PRKN: variants seen among roughly 807,000 people sequenced by gnomAD.
PRKN encodes the protein parkin RBR E3 ubiquitin protein ligase, also known as E3 ubiquitin-protein ligase parkin.
PRKN carries 56 observed loss-of-function variants against 59.5 expected under a neutral mutation model. The observed-to-expected ratio is 0.94, with a 90% CI of 0.76 to 1.18. The LOEUF (loss-of-function observed/expected upper bound fraction) is 1.18. Ranked by LOEUF, PRKN falls within the 50% of genes most tolerant of loss-of-function variation. The pLI is 0.00. For synonymous variants in PRKN, 250 were observed against 222.1 expected (o/e 1.13, Z -1.12); for missense variants, 657 against 596.4 (o/e 1.10, Z -1.06).
chr6:161,574,768 T>G (rs549626016), intron 7 of PRKN, among the ~76,000 whole-genome samples: 1 of 152,358 alleles, frequency 6.6e-6, no homozygotes, highest in East Asian at 1.9e-4. Context: ...GTCATCATTT[T>G]TCTTAAGCAC....
At chr6:162,652,484 T>C (rs1290903343) in intron 1 of PRKN, among the ~76,000 whole-genome samples, 1 of 152,226 alleles carries the variant, frequency 6.6e-6, no homozygotes, top group Non-Finnish European at 1.5e-5. Flanking sequence ...TAGTTCCTTA[T>C]ATTTTAAGAC....
intron 4 of PRKN, among the ~76,000 whole-genome samples, chr6:162,116,559 G>A (rs905562291): frequency 6.6e-6 from 1 of 152,206 alleles, no homozygotes; most frequent in South Asian, 2.1e-4. Context: ...TAAGGGACGA[G>A]AGCACGTGTG....
chr6:162,050,753 G>T (rs748968057), intron 5 of PRKN, among the ~76,000 whole-genome samples: 1 of 152,118 alleles, frequency 6.6e-6, no homozygotes, highest in Non-Finnish European at 1.5e-5. Context: ...GCCCAGAGGA[G>T]CGTGGTCCAT....
intron 5 of PRKN, among the ~76,000 whole-genome samples, chr6:162,014,950 T>C (rs1342993536): frequency 3.3e-5 from 5 of 152,204 alleles, no homozygotes; most frequent in Admixed American, 1.3e-4. Context: ...AGGTTGTTTC[T>C]GGTATTTTTC....
intron 7 of PRKN, among the ~76,000 whole-genome samples, chr6:161,577,961 C>T (rs1583251943): frequency 2.0e-5 from 3 of 152,146 alleles, no homozygotes; most frequent in African/African-American, 4.8e-5. Flanking sequence ...GATTCTTCAT[C>T]GAACAACTCT....
intron 1 of PRKN, among the ~76,000 whole-genome samples, chr6:162,602,173 G>T (rs1021569993): frequency 3.3e-5 from 5 of 152,198 alleles, no homozygotes; most frequent in African/African-American, 1.2e-4. Context: ...AGTCAGAAAA[G>T]AATCCAGGGA....
chr6:161,994,605 A>G (rs1277686581), intron 5 of PRKN, among the ~76,000 whole-genome samples: 2 of 152,138 alleles, frequency 1.3e-5, no homozygotes, highest in East Asian at 3.9e-4. Flanking sequence ...AGAACTAATA[A>G]ATACAGTAAA....
intron 6 of PRKN, among the ~76,000 whole-genome samples, chr6:161,892,722 G>A (rs1777454092): frequency 6.6e-6 from 1 of 152,128 alleles, no homozygotes; most frequent in African/African-American, 2.4e-5. Context: ...CTTGGTGACA[G>A]AGCAATATCC....
intron 1 of PRKN, among the ~76,000 whole-genome samples, chr6:162,638,205 C>CA (rs879289836): frequency 2.0e-5 from 3 of 151,678 alleles, no homozygotes; most frequent in African/African-American, 7.3e-5. Context: ...TAATATTATC[C>CA]CTATGTTTAT....
rs1297393654 is a variant in PRKN, at chr6:161,350,056, A to G, written c.*43T>C. 1.7e-6 allele frequency: 2 copies of G among 1,191,048 alleles called. No individual in the cohort carries two copies. Among genetic ancestry groups the G allele is most frequent in the Admixed American group, 1.7e-5 (1 of 58,442 alleles). The allele number at this position is 1,191,048 out of a possible 1,614,324, so 73.8% of individuals were successfully genotyped here. A position where few individuals can be genotyped will look rare whatever the true frequency, so the allele number is the denominator to read the frequency against. On this transcript the variant is annotated 3_prime_UTR_variant, in exon 12 of 12. Transcript: ENST00000366898. ...TAGAAAATGAAGGTAGACACTGGGTATGCTCCCCCAGGATGTGGCGATGGG... is the reference window on the plus strand; with the variant it reads ...TAGAAAATGAAGGTAGACACTGGGTGTGCTCCCCCAGGATGTGGCGATGGG...
chr6:161,473,168 A>G lies in PRKN; in HGVS notation c.1083+75686T>C, dbSNP rs577512095. Among the ~76,000 whole-genome samples, 44 of 152,168 alleles carry G rather than the reference A, an allele frequency of 2.9e-4. No homozygotes were observed. The highest frequency in any genetic ancestry group is 8.4e-4 in the African/African-American group (35 of 41,574). ...TGCTGAGTATATACTCAAAAGAAGTAAAATTAGCACCTCACAGAGCTGCCT... is the reference window on the plus strand; with the variant it reads ...TGCTGAGTATATACTCAAAAGAAGTGAAATTAGCACCTCACAGAGCTGCCT... On this transcript the variant is annotated intron_variant, in intron 9 of 11. Transcript: ENST00000366898. The surrounding 1 kb of genome is among the most constrained non-coding windows in gnomAD (Gnocchi z 4.1).
chr6:162,513,816 G>A (rs1045919343), intron 1 of PRKN, among the ~76,000 whole-genome samples: 4 of 152,102 alleles, frequency 2.6e-5, no homozygotes, highest in African/African-American at 9.7e-5. Context: ...CACTTTGGGA[G>A]GCTGAGGCAG....
intron 7 of PRKN, among the ~76,000 whole-genome samples, chr6:161,674,815 T>C (rs1337653683): frequency 6.6e-6 from 1 of 152,232 alleles, no homozygotes; most frequent in Admixed American, 6.5e-5. Flanking sequence ...CTTTGGTTGA[T>C]GTACAAGTAG....
At chr6:162,453,669 G>C (rs1057074391) in intron 1 of PRKN, among the ~76,000 whole-genome samples, 2 of 152,182 alleles carry the variant, frequency 1.3e-5, no homozygotes, top group African/African-American at 4.8e-5. Flanking sequence ...TTGGGAGGCT[G>C]AAGTGGGCAG....
rs1583306688 is a variant in PRKN at position 161,891,837 on chromosome 6, A to G, written c.734+81465T>C. ...ATAGAGGAGCTGCTGTCTCAAGAAA[A>G]GCAAATATGTAGGTTAAGAGCCCTG... On this transcript the variant is annotated intron_variant, in intron 6 of 11. Coordinates refer to ENST00000366898, the MANE Select transcript of PRKN (RefSeq NM_004562.3). Among the ~76,000 whole-genome samples, 6 of 152,318 alleles carry G rather than the reference A, an allele frequency of 3.9e-5. No individual in the cohort carries two copies. The South Asian group carries it at 1.2e-3, about 32-fold the overall frequency.
At chr6:162,361,305 T>A (rs1785123978) in intron 2 of PRKN, among the ~76,000 whole-genome samples, 1 of 151,974 alleles carries the variant, frequency 6.6e-6, no homozygotes, top group African/African-American at 2.4e-5. Flanking sequence ...TAACCCCCAA[T>A]GTGATCGTAT....
chr6:162,689,310 A>C (rs1370302164), intron 1 of PRKN, among the ~76,000 whole-genome samples: 1 of 152,220 alleles, frequency 6.6e-6, no homozygotes, highest in East Asian at 1.9e-4. Flanking sequence ...AAGAAGAAGA[A>C]GCCTCTTATG....
chr6:162,032,255 G>T (rs1050531451), intron 5 of PRKN, among the ~76,000 whole-genome samples: 27 of 152,172 alleles, frequency 1.8e-4, no homozygotes, highest in African/African-American at 6.5e-4. Flanking sequence ...ACTCTTTGGA[G>T]AATTTTATTT....
At chr6:161,651,645 T>C (rs1784154137) in intron 7 of PRKN, among the ~76,000 whole-genome samples, 2 of 152,216 alleles carry the variant, frequency 1.3e-5, no homozygotes, top group South Asian at 4.1e-4. Context: ...TATTAAGGTA[T>C]TGCAGATGAC....
Sources: gnomAD v4.1 joint callset for allele counts (sites outside exome capture counted in the v4.1 genomes callset) on GRCh38, gnomAD v4.1.1 for gene constraint, Gnocchi (gnomAD v3.1) non-coding constraint, MANE v1.5 for transcripts, NCBI Gene and HGNC (gene_info 2026-07-23, HGNC 2026-07-21) for gene names.